The following SLC36A1 variants were observed in gnomAD, a reference collection of about 807,000 sequenced individuals.
SLC36A1 encodes proton-coupled amino acid transporter 1.
In SLC36A1, 30 loss-of-function variants were observed where a neutral mutation model predicts 47.5. The observed-to-expected ratio is 0.63, with a 90% CI of 0.47 to 0.86. The LOEUF (loss-of-function observed/expected upper bound fraction) is 0.86. SLC36A1 is among the 40% of genes least tolerant of loss of function. The pLI is 0.00. For synonymous variants in SLC36A1, 255 were observed against 249.7 expected, an observed-to-expected ratio of 1.02 and a Z score of -0.20; for missense variants, 517 against 606.0, an observed-to-expected ratio of 0.85 and a Z score of 1.54.
At position 151,453,081 on chromosome 5, in the gene SLC36A1, G is replaced by A. The variant is rs533081669; in HGVS notation, c.-6+5268G>A. On this transcript the variant is annotated intron_variant, in intron 1 of 10. Coordinates refer to ENST00000243389, the MANE Select transcript of SLC36A1 (RefSeq NM_078483.4). ...TAGCCAGTTGTGGTGGCGCATGTCC[G>A]TAATCCCAGCTACTCGGGAGGCTAA... 6.0e-5 allele frequency among the ~76,000 whole-genome samples: 9 copies of A among 150,836 alleles called. No homozygotes were observed. In the East Asian group the frequency reaches 1.2e-3, roughly 20 times the overall value.
the SLC36A1 span, among the ~76,000 whole-genome samples, chr5:151,383,860 A>C: frequency 0.2 from 30,081 of 152,048 alleles, 3,283 homozygotes; most frequent in East Asian, 0.41. Flanking sequence ...GGCGTGAGCC[A>C]CCGCACCCAG....
At chr5:151,355,690 T>A in the SLC36A1 span, among the ~76,000 whole-genome samples, 1 of 152,116 alleles carries the variant, frequency 6.6e-6, no homozygotes, top group Non-Finnish European at 1.5e-5. Context: ...GGAGGGAGAT[T>A]TAGGATATAT....
the SLC36A1 span, among the ~76,000 whole-genome samples, chr5:151,498,930 C>T: frequency 1.6e-4 from 25 of 152,330 alleles, no homozygotes; most frequent in African/African-American, 5.8e-4. Flanking sequence ...GCGCTGGAGA[C>T]GTGGCTGCTC....
intron 2 of SLC36A1, among the ~76,000 whole-genome samples, chr5:151,462,655 A>C (rs1377636183): frequency 1.3e-5 from 2 of 148,154 alleles, no homozygotes; most frequent in Non-Finnish European, 3.0e-5. Context: ...GAGCCACTGC[A>C]CCTGGCCTGA....
the SLC36A1 span, among the ~76,000 whole-genome samples, chr5:151,528,651 A>G: frequency 6.6e-6 from 1 of 152,182 alleles, no homozygotes; most frequent in Non-Finnish European, 1.5e-5. Flanking sequence ...TGGTTGGAGC[A>G]TAGGGTGCAC....
the SLC36A1 span, among the ~76,000 whole-genome samples, chr5:151,366,940 G>A: frequency 6.6e-6 from 1 of 152,174 alleles, no homozygotes; most frequent in Non-Finnish European, 1.5e-5. Flanking sequence ...TTTCAAAAGG[G>A]GAGGGGGTGT....
intron 3 of SLC36A1, 79 bp from the exon 4 acceptor site, chr5:151,464,435 T>C (rs415426): frequency 0.55 from 691,754 of 1,261,216 alleles, 192,440 homozygotes; most frequent in South Asian, 0.67. Flanking sequence ...TAATCCTTTG[T>C]GAACTGAGTA....
the SLC36A1 span, chr5:151,529,379 G>C: frequency 6.2e-7 from 1 of 1,613,754 alleles, no homozygotes; most frequent in Middle Eastern, 1.7e-4. Flanking sequence ...GGCTTGCGTT[G>C]ACATACAGGA....
the SLC36A1 span, among the ~76,000 whole-genome samples, chr5:151,344,798 T>C: frequency 6.6e-6 from 1 of 152,068 alleles, no homozygotes; most frequent in African/African-American, 2.4e-5. Context: ...GGGCAGAAAC[T>C]AGCTCAATGT....
At chr5:151,381,915 G>A in the SLC36A1 span, 37 of 322,872 alleles carry the variant, frequency 1.1e-4, no homozygotes, top group African/African-American at 1.7e-4. Context: ...TTTCTCTGTC[G>A]CAATTCCCTT....
the SLC36A1 span, chr5:151,521,950 C>A: frequency 6.2e-7 from 1 of 1,614,160 alleles, no homozygotes; most frequent in South Asian, 1.1e-5. Context: ...ACCCACCATG[C>A]CACCCTGGAA....
chr5:151,358,787 C>T, the SLC36A1 span, among the ~76,000 whole-genome samples: 63 of 151,742 alleles, frequency 4.2e-4, no homozygotes, highest in African/African-American at 1.4e-3. Flanking sequence ...TCCTGGCTAA[C>T]AAGGTGAAAC....
intron 8 of SLC36A1, 101 bp downstream of exon 8, chr5:151,473,872 TTCTG>T: frequency 1.0e-6 from 1 of 968,330 alleles, no homozygotes; most frequent in Non-Finnish European, 1.6e-6. Context: ...AGAAAGTATC[TTCTG>T]AGGCCAGGCA....
chr5:151,381,002 C>A, the SLC36A1 span: 1 of 387,020 alleles, frequency 2.6e-6, no homozygotes, highest in Non-Finnish European at 5.2e-6. Context: ...AGGGGCCAGG[C>A]TGACAGACTA....
upstream of SLC36A1, among the ~76,000 whole-genome samples, chr5:151,446,816 T>A (rs1245068649): frequency 2.0e-5 from 3 of 152,202 alleles, no homozygotes; most frequent in Non-Finnish European, 2.9e-5. Flanking sequence ...AGTTCATTAT[T>A]TCCTTATTTT....
At chr5:151,468,400 A>G (rs1756887274) in intron 7 of SLC36A1, among the ~76,000 whole-genome samples, 1 of 144,708 alleles carries the variant, frequency 6.9e-6, no homozygotes, top group Non-Finnish European at 1.5e-5. Context: ...CATGCATAAT[A>G]TATATTATAT....
At chr5:151,355,381 A>C in the SLC36A1 span, among the ~76,000 whole-genome samples, 1 of 152,342 alleles carries the variant, frequency 6.6e-6, no homozygotes, top group East Asian at 1.9e-4. Context: ...ATGCCAGGCT[A>C]TTCGGTTACA....
chr5:151,454,861 C>T (rs886536964), intron 1 of SLC36A1, among the ~76,000 whole-genome samples: 9 of 152,024 alleles, frequency 5.9e-5, no homozygotes, highest in Non-Finnish European at 1.2e-4. Context: ...TACAGGCGCC[C>T]GCTACCACGC....
At chr5:151,388,232 T>G in the SLC36A1 span, among the ~76,000 whole-genome samples, 1 of 152,132 alleles carries the variant, frequency 6.6e-6, no homozygotes, top group South Asian at 2.1e-4. Flanking sequence ...GTCTTGGCGG[T>G]GGCTCATGGC....
Sources: allele counts gnomAD v4.1 joint callset (sites outside exome capture counted in the v4.1 genomes callset), GRCh38; gene constraint gnomAD v4.1.1; transcripts MANE v1.5; gene names NCBI Gene and HGNC (gene_info 2026-07-23, HGNC 2026-07-21).